The following AGBL3 variants were observed in gnomAD, a reference collection of about 807,000 sequenced individuals.
AGBL3 encodes cytosolic carboxypeptidase 3.
Under a neutral mutation model 94.5 loss-of-function variants are expected in AGBL3, and 68 were observed. The observed-to-expected ratio is 0.72, with a 90% CI of 0.59 to 0.88. The LOEUF (loss-of-function observed/expected upper bound fraction) is 0.88. Among genes scored for constraint, AGBL3 ranks in the 40% least tolerant of loss-of-function variants. AGBL3 has a pLI of 0.00. For missense variants in AGBL3, 934 were observed against 1,103.8 expected, an observed-to-expected ratio of 0.85 and a Z score of 2.18; for synonymous variants, 354 against 370.7, an observed-to-expected ratio of 0.95 and a Z score of 0.52.
At chr7:135,106,860 A>G (rs917946162) in intron 15 of AGBL3, among the ~76,000 whole-genome samples, 1 of 151,998 alleles carries the variant, frequency 6.6e-6, no homozygotes, top group Non-Finnish European at 1.5e-5. Flanking sequence ...TTTTTGGATG[A>G]TAAGCTATTT....
chr7:135,020,337 T>C (rs1258333981), intron 5 of AGBL3, among the ~76,000 whole-genome samples: 5 of 152,098 alleles, frequency 3.3e-5, no homozygotes, highest in Non-Finnish European at 7.3e-5. Context: ...ATCAGAGAAA[T>C]GCAAATCAAA....
intron 5 of AGBL3, among the ~76,000 whole-genome samples, chr7:135,027,296 C>T (rs560980522): frequency 6.6e-6 from 1 of 151,730 alleles, no homozygotes; most frequent in East Asian, 2.0e-4. Context: ...AGTCCACCCA[C>T]CTTGGCCTTC....
Position 135,034,902 on chromosome 7 carries a change from A to G in AGBL3, c.1311A>G (p.Val437=). The part of the protein sequence containing the change: ...TSLLKESFPS[V]WYTRNMVHRL... Reference sequence around the variant, plus strand: ...TCCTGAAGGAATCTTTTCCTTCTGTATGGTATACCCGGAACATGGTTCATA... The same window carrying G: ...TCCTGAAGGAATCTTTTCCTTCTGTGTGGTATACCCGGAACATGGTTCATA... The change falls in exon 7 of 17, where the codon GTA becomes GTG. Residue 437 remains valine, a synonymous_variant. Coordinates refer to ENST00000436302, the MANE Select transcript of AGBL3 (RefSeq NM_178563.4). 1 of 1,541,194 alleles carries G rather than the reference A, an allele frequency of 6.5e-7. No individual in the cohort carries two copies. The highest frequency in any genetic ancestry group is 8.8e-7 in the Non-Finnish European group (1 of 1,142,552).
chr7:135,048,739 T>G (rs1457153504), intron 11 of AGBL3, among the ~76,000 whole-genome samples: 1 of 142,540 alleles, frequency 7.0e-6, no homozygotes, highest in South Asian at 2.4e-4. Context: ...GTTTATTGAT[T>G]AGTTCTCACA....
intron 12 of AGBL3, among the ~76,000 whole-genome samples, chr7:135,073,624 C>G (rs1333520574): frequency 3.3e-5 from 5 of 152,136 alleles, no homozygotes; most frequent in Admixed American, 3.3e-4. Context: ...AGACTCCTGT[C>G]TCAAGAGCCG....
chr7:135,024,505 A>C (rs931278978), intron 5 of AGBL3, among the ~76,000 whole-genome samples: 1 of 152,210 alleles, frequency 6.6e-6, no homozygotes, highest in Non-Finnish European at 1.5e-5. Context: ...GACTATACTC[A>C]ACTTAAACCA....
chr7:135,012,277 G>A (rs1257526722), intron 4 of AGBL3: 3 of 152,176 alleles, frequency 2.0e-5, no homozygotes, highest in African/African-American at 7.2e-5. Flanking sequence ...TGCTTAGGTG[G>A]TAAAATTATA....
chr7:135,116,473 G>A (rs1826326538), intron 16 of AGBL3, among the ~76,000 whole-genome samples: 1 of 152,200 alleles, frequency 6.6e-6, no homozygotes, highest in South Asian at 2.1e-4. Context: ...CTGTGCAGTA[G>A]TAAAAACCCT....
chr7:135,001,201 C>G (rs1040283027), intron 4 of AGBL3, among the ~76,000 whole-genome samples: 5 of 152,208 alleles, frequency 3.3e-5, no homozygotes, highest in African/African-American at 1.2e-4. Context: ...TCAACCATTT[C>G]ATGGCTAAGT....
rs1277537111 is a variant in AGBL3, at chr7:134,989,234, T to A, written c.64-16T>A. On this transcript the variant is annotated splice_polypyrimidine_tract_variant and intron_variant, in intron 2 of 16. Coordinates refer to ENST00000436302, the MANE Select transcript of AGBL3 (RefSeq NM_178563.4). ...TTGGTTTTTAAAAGAGAAATATTTT[T>A]AAATTCTTATTTTAGGATGAGGATA... The A allele has an allele frequency of 1.3e-6, 2 of 1,520,624 alleles. No individual in the cohort carries two copies. The highest frequency in any genetic ancestry group is 2.5e-5 in the South Asian group (2 of 78,920). 94.2% of individuals were successfully genotyped at this position (1,520,624 alleles called of 1,614,324 possible). A position where few individuals can be genotyped will look rare whatever the true frequency, so the allele number is the denominator to read the frequency against.
intron 8 of AGBL3, among the ~76,000 whole-genome samples, chr7:135,040,535 A>G (rs951397329): frequency 2.0e-5 from 3 of 151,894 alleles, no homozygotes; most frequent in African/African-American, 7.3e-5. Flanking sequence ...GATCTCGTCA[A>G]TTGATATAGA....
chr7:135,041,417 A>G (rs887308680), intron 8 of AGBL3, among the ~76,000 whole-genome samples: 1 of 152,224 alleles, frequency 6.6e-6, no homozygotes, highest in African/African-American at 2.4e-5. Flanking sequence ...GTAAACACCA[A>G]AAGCAGTGGT....
At chr7:135,122,084 G>A (rs565121158) in intron 16 of AGBL3, among the ~76,000 whole-genome samples, 39 of 152,340 alleles carry the variant, frequency 2.6e-4, no homozygotes, top group African/African-American at 8.9e-4. Flanking sequence ...TGAGTTCCTT[G>A]GGGGAGGGGC....
intron 4 of AGBL3, among the ~76,000 whole-genome samples, chr7:135,007,357 T>C (rs1434380264): frequency 6.6e-6 from 1 of 151,958 alleles, no homozygotes; most frequent in African/African-American, 2.4e-5. Context: ...GTGGAATCTA[T>C]CCAGATATGT....
At chr7:134,993,402 T>C in intron 3 of AGBL3, 91 bp from the exon 4 acceptor site, 1 of 1,035,444 alleles carries the variant, frequency 9.7e-7, no homozygotes, top group Non-Finnish European at 1.4e-6. Flanking sequence ...CATTGAATAG[T>C]GTTGAAAGGA....
chr7:134,990,283 C>T (rs1458855164), intron 3 of AGBL3, among the ~76,000 whole-genome samples: 2 of 152,186 alleles, frequency 1.3e-5, no homozygotes, highest in Non-Finnish European at 1.5e-5. Context: ...ACCCCTGGCT[C>T]CAGGCAACCA....
At chr7:135,056,073 T>C (rs1347354163) in intron 11 of AGBL3, among the ~76,000 whole-genome samples, 1 of 152,124 alleles carries the variant, frequency 6.6e-6, no homozygotes, top group Admixed American at 6.6e-5. Context: ...ATCCCTTCTT[T>C]ATCTCTTTAA....
At chr7:135,031,859 G>C (rs1042143697) in intron 5 of AGBL3, among the ~76,000 whole-genome samples, 3 of 152,106 alleles carry the variant, frequency 2.0e-5, no homozygotes, top group Admixed American at 2.0e-4. Flanking sequence ...AGCCCGCAGT[G>C]GTGCTCTCTC....
intron 15 of AGBL3, among the ~76,000 whole-genome samples, chr7:135,086,852 T>C (rs1242880330): frequency 6.6e-6 from 1 of 152,018 alleles, no homozygotes; most frequent in African/African-American, 2.4e-5. Flanking sequence ...CAGGGTAATA[T>C]TGGTCACACA....
Sources: gnomAD v4.1 joint callset for allele counts (sites outside exome capture counted in the v4.1 genomes callset) on GRCh38, gnomAD v4.1.1 for gene constraint, MANE v1.5 for transcripts, NCBI Gene and HGNC (gene_info 2026-07-23, HGNC 2026-07-21) for gene names.